XKR6: variants seen among roughly 807,000 people sequenced by gnomAD.
The protein encoded by XKR6 is XK-related protein 6.
XKR6 carries 22 observed loss-of-function variants against 56.7 expected under a neutral mutation model. The observed-to-expected ratio is 0.39, with a 90% CI of 0.28 to 0.55. The LOEUF (loss-of-function observed/expected upper bound fraction) is 0.55, where lower values mean the gene tolerates loss of function less well. Ranked by LOEUF, XKR6 falls within the 20% of genes least tolerant of loss-of-function variation. XKR6 has a pLI of 0.66. For synonymous variants in XKR6, 524 were observed against 387.8 expected (o/e 1.35, Z -4.13); for missense variants, 852 against 889.0 (o/e 0.96, Z 0.53).
intron 2 of XKR6, among the ~76,000 whole-genome samples, chr8:10,911,883 G>A (rs1423275983): frequency 6.0e-5 from 9 of 149,678 alleles, no homozygotes; most frequent in Non-Finnish European, 5.9e-5. Flanking sequence ...TAGAAGGTGT[G>A]TATATATATA....
At chr8:10,918,937 C>T (rs928459217) in intron 2 of XKR6, among the ~76,000 whole-genome samples, 3 of 152,214 alleles carry the variant, frequency 2.0e-5, no homozygotes, top group Non-Finnish European at 4.4e-5. Flanking sequence ...CCACAGCCTC[C>T]AACAGGTGCT....
intron 1 of XKR6, among the ~76,000 whole-genome samples, chr8:11,101,896 C>T (rs1237992003): frequency 6.6e-6 from 1 of 152,186 alleles, no homozygotes; most frequent in Non-Finnish European, 1.5e-5. Context: ...CCTTACGGAC[C>T]CGCCACAATT....
chr8:11,091,984 G>C, intron 1 of XKR6, among the ~76,000 whole-genome samples: 1 of 152,182 alleles, frequency 6.6e-6, no homozygotes. Flanking sequence ...AAACCCTGCG[G>C]TTCAGAATTT....
chr8:10,998,679 C>A (rs1176013371), intron 1 of XKR6, among the ~76,000 whole-genome samples: 1 of 152,200 alleles, frequency 6.6e-6, no homozygotes, highest in African/African-American at 2.4e-5. Flanking sequence ...GGTCACCCAG[C>A]TAGGACACTC....
At chr8:11,037,886 G>C (rs184376898) in intron 1 of XKR6, among the ~76,000 whole-genome samples, 1 of 151,758 alleles carries the variant, frequency 6.6e-6, no homozygotes, top group Non-Finnish European at 1.5e-5. Context: ...AATTAGCCGG[G>C]TGTGGTGGCA....
chr8:11,162,010 C>T (rs961764274), intron 1 of XKR6, among the ~76,000 whole-genome samples: 9 of 152,148 alleles, frequency 5.9e-5, no homozygotes, highest in African/African-American at 2.2e-4. Flanking sequence ...CGTCCCACTT[C>T]ACAGAGTTCT....
At chr8:11,094,337 C>T (rs1271751963) in intron 1 of XKR6, among the ~76,000 whole-genome samples, 1 of 152,080 alleles carries the variant, frequency 6.6e-6, no homozygotes, top group Non-Finnish European at 1.5e-5. Context: ...TACAGGTGTG[C>T]ACCACCATGC....
At chr8:11,056,723 C>T (rs10096332) in intron 1 of XKR6, among the ~76,000 whole-genome samples, 60,050 of 152,106 alleles carry the variant, frequency 0.39, 15,129 homozygotes, top group African/African-American at 0.72. Context: ...GTGCTCATAC[C>T]CTGTGTGACC....
intron 1 of XKR6, among the ~76,000 whole-genome samples, chr8:11,033,224 C>T (rs1477813477): frequency 2.0e-5 from 3 of 150,104 alleles, no homozygotes; most frequent in Admixed American, 2.0e-4. Context: ...AGGATGGTTA[C>T]GATGGTGATG....
At chr8:11,100,006 G>C (rs1040336535) in intron 1 of XKR6, among the ~76,000 whole-genome samples, 2 of 152,216 alleles carry the variant, frequency 1.3e-5, no homozygotes, top group African/African-American at 2.4e-5. Flanking sequence ...GGCGCTGGGA[G>C]GGAGAGGGGG....
chr8:11,011,013 C>G (rs1464988636), intron 1 of XKR6, among the ~76,000 whole-genome samples: 1 of 152,198 alleles, frequency 6.6e-6, no homozygotes, highest in Non-Finnish European at 1.5e-5. Context: ...CTCCGCATCT[C>G]TCAGCAACCC....
chr8:11,149,882 T>C (rs772153679), intron 1 of XKR6, among the ~76,000 whole-genome samples: 66 of 152,224 alleles, frequency 4.3e-4, no homozygotes, highest in Non-Finnish European at 9.1e-4. Flanking sequence ...ATATACATGA[T>C]GAAATACTAT....
At chr8:11,054,754 A>G (rs552155962) in intron 1 of XKR6, among the ~76,000 whole-genome samples, 3 of 151,996 alleles carry the variant, frequency 2.0e-5, no homozygotes, top group Non-Finnish European at 4.4e-5. Flanking sequence ...GGGGTGTGAT[A>G]TTGCTGGTGT....
At chr8:11,155,031 T>C (rs948969777) in intron 1 of XKR6, among the ~76,000 whole-genome samples, 1 of 152,236 alleles carries the variant, frequency 6.6e-6, no homozygotes, top group African/African-American at 2.4e-5. Flanking sequence ...CGAGCTGCGT[T>C]AGAGATTAAA....
At chr8:10,988,518 A>G (rs773168390) in intron 1 of XKR6, among the ~76,000 whole-genome samples, 6 of 152,186 alleles carry the variant, frequency 3.9e-5, no homozygotes, top group Admixed American at 1.3e-4. Flanking sequence ...CGTAGATGCA[A>G]CTGAAGATCA....
chr8:11,022,083 A>T (rs2129148912), intron 1 of XKR6, among the ~76,000 whole-genome samples: 1 of 150,438 alleles, frequency 6.6e-6, no homozygotes, highest in East Asian at 2.0e-4. Flanking sequence ...TTTTTCAGAA[A>T]TATAACCAAA....
chr8:11,172,422 A>G (rs1022172766), intron 1 of XKR6, among the ~76,000 whole-genome samples: 3 of 152,082 alleles, frequency 2.0e-5, no homozygotes, highest in African/African-American at 7.2e-5. Flanking sequence ...AGCAACACAA[A>G]CAGACCAAGA....
At chr8:10,964,367 T>C (rs1036252650) in intron 1 of XKR6, among the ~76,000 whole-genome samples, 2 of 152,196 alleles carry the variant, frequency 1.3e-5, no homozygotes, top group Non-Finnish European at 2.9e-5. Context: ...CCTGATGACA[T>C]GGAGCCTTCT....
chr8:10,939,209 C>T (rs898444568), intron 1 of XKR6, among the ~76,000 whole-genome samples: 1 of 152,140 alleles, frequency 6.6e-6, no homozygotes, highest in African/African-American at 2.4e-5. Context: ...AACAGCTGAC[C>T]GGCCCAACCA....
Sources: gnomAD v4.1 joint callset for allele counts (sites outside exome capture counted in the v4.1 genomes callset) on GRCh38, gnomAD v4.1.1 for gene constraint, MANE v1.5 for transcripts, NCBI Gene and HGNC (gene_info 2026-07-23, HGNC 2026-07-21) for gene names.